The following GPR89B variants were observed in gnomAD, a reference collection of about 807,000 sequenced individuals.
GPR89B encodes G protein-coupled receptor 89B.
A neutral mutation model predicts 52.4 loss-of-function variants in GPR89B; 25 were observed. The observed-to-expected ratio is 0.48, with a 90% confidence interval of 0.35 to 0.67. GPR89B has a LOEUF of 0.67. Among genes scored for constraint, GPR89B ranks in the 30% least tolerant of loss-of-function variants. The probability of loss-of-function intolerance (pLI) is 0.01; values close to 1 mark genes in which losing one functional copy is unlikely to be tolerated. For synonymous variants in GPR89B, 52 were observed against 151.2 expected, an observed-to-expected ratio of 0.34 and a Z score of 4.81; for missense variants, 146 against 450.2, an observed-to-expected ratio of 0.32 and a Z score of 6.11.
rs1205660628 is a variant in GPR89B, at chr1:147,987,018, G to T, written c.1005+724G>T. Among the ~76,000 whole-genome samples the T allele has an allele frequency of 7.1e-3, 1,073 of 151,240 alleles. 11 individuals carry two copies. Among genetic ancestry groups the T allele is most frequent in the African/African-American group, 0.025 (1,014 of 41,058 alleles). On this transcript the variant is annotated intron_variant, in intron 11 of 13. Coordinates refer to ENST00000314163, the MANE Select transcript of GPR89B (RefSeq NM_016334.5). ...TGCTGTCAACCTAGACGCAGACTGC[G>T]TGCTACCCCCAGCCATCCATCCCAG...
chr1:147,930,580 G>C (rs1274847178), intron 1 of GPR89B, among the ~76,000 whole-genome samples: 2 of 151,978 alleles, frequency 1.3e-5, no homozygotes, highest in Non-Finnish European at 2.9e-5. Context: ...GAGAGGTGTG[G>C]TTACCTTGGA....
the GPR89B span, among the ~76,000 whole-genome samples, chr1:148,017,464 G>A: frequency 1.3e-5 from 2 of 151,024 alleles, no homozygotes; most frequent in Non-Finnish European, 2.9e-5. Context: ...GCCAGGCGCG[G>A]TGGTTCATGC....
chr1:147,938,781 T>A lies in GPR89B; in HGVS notation c.170T>A (p.Leu57His). Residue 57 changes from leucine (L) to histidine (H), a missense_variant, in exon 3 of 14, where the codon CTC (leucine) becomes CAC (histidine). Leu to His is a moderately conservative substitution (Grantham distance 99). Coordinates refer to ENST00000314163, the MANE Select transcript of GPR89B (RefSeq NM_016334.5). The part of the protein sequence containing the change: ...TFAFSCTMFE[L>H]IIFEILGVLN... ...GCATTTTCTTGCACCATGTTTGAGC[T>A]CATCATCTTTGAAATCTTAGGAGTA... 1 of 1,580,158 alleles carries A rather than the reference T, an allele frequency of 6.3e-7. No individual in the cohort carries two copies.
chr1:148,020,811 C>T, the GPR89B span, among the ~76,000 whole-genome samples: 1 of 151,820 alleles, frequency 6.6e-6, no homozygotes, highest in African/African-American at 2.4e-5. Flanking sequence ...CCTCAGCCTC[C>T]CAGGTAGCTG....
chr1:147,980,944 T>C (rs1227273365), intron 10 of GPR89B, among the ~76,000 whole-genome samples: 2 of 150,938 alleles, frequency 1.3e-5, no homozygotes, highest in African/African-American at 4.9e-5. Context: ...CTCTGTAGAT[T>C]TCCCTATTCT....
At chr1:147,939,600 C>CTAA (rs1654373838) in intron 3 of GPR89B, among the ~76,000 whole-genome samples, 1 of 151,954 alleles carries the variant, frequency 6.6e-6, no homozygotes, top group African/African-American at 2.4e-5. Context: ...TGTAGAGAGA[C>CTAA]TATACTCTCA....
chr1:147,956,826 CT>C (rs1656151851), intron 7 of GPR89B, among the ~76,000 whole-genome samples: 1 of 151,834 alleles, frequency 6.6e-6, no homozygotes, highest in South Asian at 2.1e-4. Flanking sequence ...CAGCCTCCAC[CT>C]CCCAGATTCA....
the GPR89B span, among the ~76,000 whole-genome samples, chr1:148,022,250 C>T: frequency 6.6e-6 from 1 of 150,728 alleles, no homozygotes; most frequent in Non-Finnish European, 1.5e-5. Context: ...GCTAGTTCAA[C>T]ATCCTGGTTC....
rs587626385 is a variant in GPR89B, at chr1:147,936,559, A to G, written c.43-68A>G. ...TCTAGTTAGCAGACCTTTTATCATA[A>G]AAGAGTTTCTATAAAACATTTCTCA... is the stretch of plus-strand genomic sequence containing the variant. On this transcript the variant is annotated intron_variant, in intron 1 of 13. Coordinates refer to ENST00000314163, the MANE Select transcript of GPR89B (RefSeq NM_016334.5). 2.7e-6 allele frequency: 3 copies of G among 1,123,660 alleles called. No individual in the cohort carries two copies. The African/African-American group carries it at 4.6e-5, about 17-fold the overall frequency. The allele number at this position is 1,123,660 out of a possible 1,614,324, so 69.6% of individuals were successfully genotyped here.
Position 147,985,145 on chromosome 1 carries a change from G to C in GPR89B, c.910-1054G>C, listed in dbSNP as rs1336324708. Among the ~76,000 whole-genome samples, 5 of 152,116 alleles carry C rather than the reference G, an allele frequency of 3.3e-5. No individual in the cohort carries two copies. The South Asian group carries it at 1.0e-3, about 32-fold the overall frequency. On this transcript the variant is annotated intron_variant, in intron 10 of 13. Transcript: ENST00000314163. ...TACGTATTTTGAAGCTCTGTCATTA[G>C]GTATATAAACATTTAGAATCATTGT...
At chr1:148,015,605 C>T in the GPR89B span, among the ~76,000 whole-genome samples, 4 of 147,880 alleles carry the variant, frequency 2.7e-5, no homozygotes, top group East Asian at 5.8e-4. Context: ...TGAGCCACCG[C>T]GCCCGGCCTT....
the GPR89B span, among the ~76,000 whole-genome samples, chr1:148,012,454 T>A: frequency 0.042 from 6,411 of 151,056 alleles, 264 homozygotes; most frequent in East Asian, 0.16. Flanking sequence ...GCCTGTGAGC[T>A]GCTTCCTCCC....
intron 10 of GPR89B, among the ~76,000 whole-genome samples, chr1:147,970,445 T>G (rs1417410085): frequency 6.7e-6 from 1 of 149,944 alleles, no homozygotes; most frequent in Non-Finnish European, 1.5e-5. Flanking sequence ...TGCAGTGAGC[T>G]AAGATCACGC....
intron 5 of GPR89B, among the ~76,000 whole-genome samples, chr1:147,949,810 C>CAT: frequency 1.4e-5 from 2 of 146,154 alleles, no homozygotes. Flanking sequence ...GACCCCCCGA[C>CAT]CTCCCTCCCG....
At chr1:147,978,907 G>A (rs1658037678) in intron 10 of GPR89B, among the ~76,000 whole-genome samples, 1 of 151,060 alleles carries the variant, frequency 6.6e-6, no homozygotes, top group Admixed American at 6.6e-5. Context: ...TCTCCAGCCT[G>A]CTGCTGCTGG....
At chr1:147,931,972 A>G (rs1553247095) in intron 1 of GPR89B, among the ~76,000 whole-genome samples, 1 of 152,152 alleles carries the variant, frequency 6.6e-6, no homozygotes. Flanking sequence ...GCCACAATGA[A>G]ATATTAAAGG....
the GPR89B span, among the ~76,000 whole-genome samples, chr1:147,999,808 TGA>T: frequency 6.6e-6 from 1 of 152,024 alleles, no homozygotes; most frequent in East Asian, 1.9e-4. Flanking sequence ...TTTAGATGTG[TGA>T]GGCATTATTC....
the GPR89B span, among the ~76,000 whole-genome samples, chr1:148,022,183 C>T: frequency 2.6e-5 from 4 of 151,732 alleles, no homozygotes; most frequent in Admixed American, 2.6e-4. Context: ...GCCATGTTTT[C>T]TTCTCGCTTC....
chr1:147,939,009 C>G (rs1654332991), intron 3 of GPR89B, among the ~76,000 whole-genome samples, 192 bp downstream of exon 3: 1 of 132,260 alleles, frequency 7.6e-6, no homozygotes, highest in Admixed American at 7.8e-5. Flanking sequence ...TTATGAGATA[C>G]CAGGAAACAA....
Sources: allele counts gnomAD v4.1 joint callset (sites outside exome capture counted in the v4.1 genomes callset), GRCh38; gene constraint gnomAD v4.1.1; transcripts MANE v1.5; gene names NCBI Gene and HGNC (gene_info 2026-07-23, HGNC 2026-07-21).